The following PALM2AKAP2 variants were observed in gnomAD, a reference collection of about 807,000 sequenced individuals.
The protein encoded by PALM2AKAP2 is PALM2 and AKAP2 fusion.
Under a neutral mutation model 71.5 loss-of-function variants are expected in PALM2AKAP2, and 37 were observed. The ratio of observed to expected loss-of-function variants is 0.52; its 90% confidence interval spans 0.40 to 0.68. The LOEUF is 0.68. PALM2AKAP2 is among the 30% of genes least tolerant of loss of function. The pLI is 0.00. For missense variants in PALM2AKAP2, 1,224 were observed against 1,191.8 expected (o/e 1.03, Z -0.40); for synonymous variants, 468 against 478.8 (o/e 0.98, Z 0.29).
Position 109,908,808 on chromosome 9 carries a change from G to GCACACA in PALM2AKAP2, c.258-14902_258-14897dup, listed in dbSNP as rs59715039. ...TGGCTGAGGCTGTATGGATGCGTGT[G>GCACACA]CACACACACACACACACACACACAC... is the stretch of plus-strand genomic sequence containing the variant. On this transcript the variant is annotated intron_variant, in intron 3 of 9. Transcript: ENST00000302798. Among the ~76,000 whole-genome samples, 766 of 150,190 alleles carry GCACACA rather than the reference G, an allele frequency of 5.1e-3. 4 individuals are homozygous for GCACACA. The highest frequency in any genetic ancestry group is 0.01 in the African/African-American group (420 of 40,982).
chr9:109,934,226 G>C (rs560261398), intron 6 of PALM2AKAP2, among the ~76,000 whole-genome samples: 5 of 152,244 alleles, frequency 3.3e-5, no homozygotes, highest in African/African-American at 1.2e-4. Context: ...ACACACCTCT[G>C]TGATTCATGT....
intron 1 of PALM2AKAP2, among the ~76,000 whole-genome samples, chr9:109,707,155 A>G (rs1171871358): frequency 6.6e-6 from 1 of 152,174 alleles, no homozygotes; most frequent in African/African-American, 2.4e-5. Flanking sequence ...TACAATAAAT[A>G]ACCTTAGCCT....
chr9:109,914,484 C>CT (rs34250621), intron 3 of PALM2AKAP2, among the ~76,000 whole-genome samples: 2 of 152,194 alleles, frequency 1.3e-5, no homozygotes, highest in Non-Finnish European at 2.9e-5. Flanking sequence ...TAGCAGTCCC[C>CT]TTTCCACTTT....
At chr9:109,872,587 C>G (rs1829628799) in intron 2 of PALM2AKAP2, among the ~76,000 whole-genome samples, 1 of 152,184 alleles carries the variant, frequency 6.6e-6, no homozygotes, top group Non-Finnish European at 1.5e-5. Context: ...TTCTTCTAAT[C>G]CAAGCTATAA....
intron 6 of PALM2AKAP2, among the ~76,000 whole-genome samples, chr9:110,010,617 C>T (rs1832864057): frequency 2.7e-5 from 4 of 146,970 alleles, no homozygotes; most frequent in African/African-American, 9.9e-5. Flanking sequence ...ATATTCTATT[C>T]TATTTATATA....
chr9:109,700,326 T>C (rs113141643), intron 1 of PALM2AKAP2, among the ~76,000 whole-genome samples: 6,794 of 152,158 alleles, frequency 0.045, 196 homozygotes, highest in Non-Finnish European at 0.053. Context: ...TTATAAAGGG[T>C]AGTTCCCCTC....
chr9:110,118,428 A>G (rs960501782), intron 1 of PALM2AKAP2, among the ~76,000 whole-genome samples: 2 of 151,904 alleles, frequency 1.3e-5, no homozygotes, highest in South Asian at 4.1e-4. Context: ...TTGTATTTTT[A>G]GTAGAGACAG....
At chr9:109,780,466 C>T (rs1354104204) in exon 1 of PALM2AKAP2, 1 of 1,613,188 alleles carries the variant, frequency 6.2e-7, no homozygotes, top group Non-Finnish European at 8.5e-7. Context: ...CCTCTTTCCC[C>T]TGCCTGTGTG....
At chr9:109,856,800 A>C (rs1474542351) in intron 1 of PALM2AKAP2, among the ~76,000 whole-genome samples, 2 of 152,234 alleles carry the variant, frequency 1.3e-5, no homozygotes, top group Non-Finnish European at 2.9e-5. Flanking sequence ...CAAAAACATG[A>C]TTTGTCAAAG....
intron 6 of PALM2AKAP2, among the ~76,000 whole-genome samples, chr9:110,012,920 TTAAAGG>T (rs1458331783): frequency 1.3e-5 from 2 of 152,246 alleles, no homozygotes; most frequent in Admixed American, 1.3e-4. Context: ...ATTAGCATAG[TTAAAGG>T]TAAAAATACT....
intron 1 of PALM2AKAP2, among the ~76,000 whole-genome samples, chr9:109,648,742 C>G (rs796177732): frequency 2.6e-5 from 4 of 152,264 alleles, no homozygotes; most frequent in African/African-American, 9.6e-5. Flanking sequence ...TAAATGCAGT[C>G]AGAACACCAC....
chr9:109,645,551 A>G (rs1321919841), intron 1 of PALM2AKAP2, among the ~76,000 whole-genome samples: 1 of 116,988 alleles, frequency 8.5e-6, no homozygotes, highest in Non-Finnish European at 1.9e-5. Flanking sequence ...TAGTTTAAGA[A>G]AAAAAAAAAA....
intron 3 of PALM2AKAP2, among the ~76,000 whole-genome samples, chr9:109,919,804 T>C (rs1830785906): frequency 6.6e-6 from 1 of 152,014 alleles, no homozygotes; most frequent in African/African-American, 2.4e-5. Flanking sequence ...ATTTGACCTG[T>C]ACCAGTTCAT....
chr9:110,019,038 G>A (rs775518131), intron 7 of PALM2AKAP2, among the ~76,000 whole-genome samples: 45 of 151,914 alleles, frequency 3.0e-4, no homozygotes, highest in Non-Finnish European at 5.4e-4. Flanking sequence ...TCAGGAGATC[G>A]AGACCATCCT....
intron 1 of PALM2AKAP2, among the ~76,000 whole-genome samples, chr9:109,679,416 T>TCAC (rs1198947468): frequency 3.9e-5 from 6 of 152,208 alleles, no homozygotes; most frequent in Non-Finnish European, 8.8e-5. Context: ...ACCTTGTCTT[T>TCAC]CACCAGGTGG....
intron 1 of PALM2AKAP2, among the ~76,000 whole-genome samples, chr9:110,064,835 T>G (rs1460334192): frequency 1.3e-5 from 2 of 152,222 alleles, no homozygotes; most frequent in East Asian, 1.9e-4. Flanking sequence ...GATGGATGCC[T>G]GGACTTGTCT....
chr9:109,854,795 G>A lies in PALM2AKAP2; in HGVS notation c.46-12696G>A, dbSNP rs568786297. On this transcript the variant is annotated intron_variant, in intron 1 of 9. Transcript: ENST00000302798. ...TTTTTTTTTTTTTTTTTTTTTAGAT[G>A]GAGTCTTGCTCTATCATCAGGCTGG... 5.2e-5 allele frequency among the ~76,000 whole-genome samples: 4 copies of A among 77,014 alleles called. No individual in the cohort carries two copies. The Admixed American group carries it at 6.0e-4, about 12-fold the overall frequency. 50.5% of individuals were successfully genotyped at this position (77,014 alleles called of 152,430 possible).
chr9:110,024,804 T>C, intron 7 of PALM2AKAP2: 1 of 655,006 alleles, frequency 1.5e-6, no homozygotes, highest in East Asian at 2.7e-5. Flanking sequence ...AAAAAAGATA[T>C]GCCAGTGTCT....
At chr9:110,076,012 T>C (rs1834312934) in intron 1 of PALM2AKAP2, among the ~76,000 whole-genome samples, 1 of 152,192 alleles carries the variant, frequency 6.6e-6, no homozygotes, top group South Asian at 2.1e-4. Flanking sequence ...GATACAATAC[T>C]ATTACCTAAT....
Sources: gnomAD v4.1 joint callset for allele counts (sites outside exome capture counted in the v4.1 genomes callset) on GRCh38, gnomAD v4.1.1 for gene constraint, MANE v1.5 for transcripts, NCBI Gene and HGNC (gene_info 2026-07-23, HGNC 2026-07-21) for gene names.